Variants in ABCC1 observed in about 807,000 individuals in gnomAD.
ABCC1 encodes the protein multidrug resistance-associated protein 1.
In ABCC1, 83 loss-of-function variants were observed where a neutral mutation model predicts 172.9. That is an observed-to-expected ratio of 0.48 (90% CI 0.40 to 0.58). The LOEUF is 0.58. Among genes scored for constraint, ABCC1 ranks in the 20% least tolerant of loss-of-function variants. ABCC1 has a pLI of 0.00. For missense variants in ABCC1, 1,817 were observed against 2,002.7 expected (o/e 0.91, Z 1.77); for synonymous variants, 937 against 825.2 (o/e 1.14, Z -2.32).
At position 16,014,696 on chromosome 16, in the gene ABCC1, G is replaced by C. The variant is rs147479573; in HGVS notation, c.489+68G>C. On this transcript the variant is annotated intron_variant, in intron 4 of 30. Coordinates refer to ENST00000399410, the MANE Select transcript of ABCC1 (RefSeq NM_004996.4). The stretch of plus-strand genomic sequence containing the variant: ...GAGGGAGAGATGCTGGGTCCCTCTG[G>C]CTTGTGTAGAAGTCATGCGTTGCCA... The C allele has an allele frequency of 1.9e-6, 3 of 1,586,046 alleles. No homozygotes were observed. In the East Asian group the frequency reaches 6.7e-5, roughly 36 times the overall value.
chr16:15,978,236 C>G (rs1224334814), intron 1 of ABCC1, among the ~76,000 whole-genome samples: 1 of 151,934 alleles, frequency 6.6e-6, no homozygotes, highest in African/African-American at 2.4e-5. Flanking sequence ...TGGTGGCATG[C>G]ACTTGTGGTT....
intron 25 of ABCC1, among the ~76,000 whole-genome samples, chr16:16,125,523 G>C (rs2045391255): frequency 6.6e-6 from 1 of 151,866 alleles, no homozygotes; most frequent in Non-Finnish European, 1.5e-5. Flanking sequence ...CTGCCTCCTG[G>C]GTTCAAGTGA....
intron 10 of ABCC1, among the ~76,000 whole-genome samples, chr16:16,052,391 T>C (rs1401791258): frequency 6.6e-6 from 1 of 151,788 alleles, no homozygotes; most frequent in Admixed American, 6.6e-5. Context: ...AAATAGCCAC[T>C]GTACTGCAGC....
At chr16:16,088,064 T>C (rs1367703960) in intron 18 of ABCC1, among the ~76,000 whole-genome samples, 5 of 152,132 alleles carry the variant, frequency 3.3e-5, no homozygotes, top group Non-Finnish European at 7.4e-5. Flanking sequence ...TACATGCCCA[T>C]TGTAACAAAA....
In ABCC1 at chr16:16,089,372, C is replaced by A. The variant is rs116358285; in HGVS notation, c.2461-1033C>A. On this transcript the variant is annotated intron_variant, in intron 18 of 30. Coordinates refer to ENST00000399410, the MANE Select transcript of ABCC1 (RefSeq NM_004996.4). ...GATGAGCCTGGACAACATGATGAGA[C>A]CCCTGTCTTGACAAAAAATACAAAA... Among the ~76,000 whole-genome samples the A allele has an allele frequency of 5.9e-3, 892 of 151,926 alleles. 14 individuals are homozygous for A. The highest frequency in any genetic ancestry group is 0.021 in the African/African-American group (850 of 41,426).
chr16:16,063,535 A>G (rs1039401290), intron 12 of ABCC1, among the ~76,000 whole-genome samples: 22 of 152,336 alleles, frequency 1.4e-4, no homozygotes, highest in South Asian at 4.1e-4. Flanking sequence ...AAATCATATT[A>G]ATTAGGAACT....
chr16:15,956,035 G>A (rs572376419), intron 1 of ABCC1, among the ~76,000 whole-genome samples: 2 of 152,224 alleles, frequency 1.3e-5, no homozygotes, highest in South Asian at 4.1e-4. Context: ...ATTACCTGAG[G>A]TCAGGAGTTC....
intron 1 of ABCC1, among the ~76,000 whole-genome samples, chr16:15,983,923 GT>G (rs1485181740): frequency 1.3e-5 from 2 of 152,062 alleles, no homozygotes; most frequent in African/African-American, 4.8e-5. Flanking sequence ...CTACTGTTCT[GT>G]TTCTCACTGT....
chr16:16,079,557 T>C lies in ABCC1; in HGVS notation c.2115+79T>C, dbSNP rs2050724184. ...AAGCTCAGAAATGATGGTGTTTCTT[T>C]TGACTGTCCCTGTGCCAGAAGCGAA... On this transcript the variant is annotated intron_variant, in intron 16 of 30. Coordinates refer to ENST00000399410, the MANE Select transcript of ABCC1 (RefSeq NM_004996.4). 3 of 1,526,796 alleles carry C rather than the reference T, an allele frequency of 2.0e-6. No homozygotes were observed. In the East Asian group the frequency reaches 6.9e-5, roughly 35 times the overall value. The allele number at this position is 1,526,796 out of a possible 1,614,324, so 94.6% of individuals were successfully genotyped here. A position where few individuals can be genotyped will look rare whatever the true frequency, so the allele number is the denominator to read the frequency against.
chr16:16,124,353 ATAGGAGTGACCCACTACGCCCGGCTG>A (rs2045324625), intron 24 of ABCC1, among the ~76,000 whole-genome samples: 1 of 36,790 alleles, frequency 2.7e-5, no homozygotes, highest in African/African-American at 9.5e-5. Context: ...GTGTGTGATT[ATAGGAGTGACCCACTACGCCCGGCTG>A]TGTGTGTGTG....
intron 1 of ABCC1, among the ~76,000 whole-genome samples, chr16:15,987,502 T>C (rs1046676089): frequency 6.6e-6 from 1 of 152,206 alleles, no homozygotes; most frequent in Admixed American, 6.5e-5. Flanking sequence ...TCGTGGGGGC[T>C]GTCCTATGTA....
intron 1 of ABCC1, among the ~76,000 whole-genome samples, chr16:16,002,164 G>T (rs928460583): frequency 5.3e-5 from 8 of 152,330 alleles, no homozygotes; most frequent in African/African-American, 1.2e-4. Flanking sequence ...ATACAAAGCA[G>T]CCGTAACAAA....
chr16:16,025,111 G>A (rs1304817452), intron 5 of ABCC1, among the ~76,000 whole-genome samples: 1 of 152,172 alleles, frequency 6.6e-6, no homozygotes, highest in East Asian at 1.9e-4. Flanking sequence ...GAGGCATTTT[G>A]CACAGTTGGT....
chr16:15,955,575 C>T (rs956652786), intron 1 of ABCC1, among the ~76,000 whole-genome samples: 2 of 152,160 alleles, frequency 1.3e-5, no homozygotes, highest in African/African-American at 4.8e-5. Flanking sequence ...CACTCTCCTC[C>T]AGCCACACTT....
intron 13 of ABCC1, among the ~76,000 whole-genome samples, chr16:16,068,596 C>T (rs2050204478): frequency 1.3e-5 from 2 of 152,178 alleles, no homozygotes; most frequent in African/African-American, 2.4e-5. Flanking sequence ...CCTGTTCCTC[C>T]GCCATTCCTA....
At chr16:15,995,969 C>T (rs1052248152) in intron 1 of ABCC1, among the ~76,000 whole-genome samples, 2 of 150,622 alleles carry the variant, frequency 1.3e-5, no homozygotes, top group Non-Finnish European at 1.5e-5. Flanking sequence ...ACCACCACGC[C>T]CAGCTAAGTT....
At chr16:16,124,171 G>A (rs74506321) in intron 24 of ABCC1, among the ~76,000 whole-genome samples, 125 of 152,240 alleles carry the variant, frequency 8.2e-4, no homozygotes, top group South Asian at 5.4e-3. Context: ...GATCTGTCTC[G>A]TAACAAGAGA....
intron 10 of ABCC1, among the ~76,000 whole-genome samples, chr16:16,050,216 A>G (rs893396520): frequency 6.6e-6 from 1 of 152,104 alleles, no homozygotes; most frequent in Non-Finnish European, 1.5e-5. Context: ...TGTGATCTGA[A>G]CACTTTGGGA....
intron 5 of ABCC1, among the ~76,000 whole-genome samples, chr16:16,031,670 C>G (rs2151826773): frequency 6.6e-6 from 1 of 152,280 alleles, no homozygotes; most frequent in East Asian, 1.9e-4. Flanking sequence ...AATGCGTTGC[C>G]TTTCCTTGTT....
Sources: allele counts gnomAD v4.1 joint callset (sites outside exome capture counted in the v4.1 genomes callset), GRCh38; gene constraint gnomAD v4.1.1; transcripts MANE v1.5; gene names NCBI Gene and HGNC (gene_info 2026-07-23, HGNC 2026-07-21).